The following MTDH variants were observed in gnomAD, a reference collection of about 807,000 sequenced individuals.
MTDH encodes protein LYRIC.
MTDH carries 34 observed loss-of-function variants against 72.7 expected under a neutral mutation model. The observed-to-expected ratio is 0.47, with a 90% CI of 0.36 to 0.62. The LOEUF is 0.62. Ranked by LOEUF, MTDH falls within the 20% of genes least tolerant of loss-of-function variation. MTDH has a pLI of 0.00. For missense variants in MTDH, 677 were observed against 699.4 expected (o/e 0.97, Z 0.36); for synonymous variants, 266 against 268.9 (o/e 0.99, Z 0.10).
intron 6 of MTDH, chr8:97,696,275 C>T (rs943790493): frequency 1.0e-6 from 1 of 985,180 alleles, no homozygotes; most frequent in African/African-American, 1.7e-5. Flanking sequence ...ATCTCTCACA[C>T]TTAACTCTGC....
Position 97,661,136 on chromosome 8 carries a change from C to G in MTDH, c.446C>G (p.Ala149Gly). The G allele has an allele frequency of 6.2e-7, 1 of 1,612,486 alleles. No individual in the cohort carries two copies. The highest frequency in any genetic ancestry group is 8.5e-7 in the Non-Finnish European group (1 of 1,179,230). ...GTTCGAACACCTCAAAGTGTAACAG[C>G]AAAGCAGCCACCAGAGATTGACAAG... ...EAVRTPQSVT[A>G]KQPPEIDKKN... The change falls in exon 2 of 12, where the codon GCA becomes GGA. Residue 149 changes from alanine to glycine, a missense_variant. Physicochemically the swap from Ala to Gly is moderately conservative, Grantham distance 60. This residue lies in a region of MTDH where 467 missense variants were observed against 469.1 expected (regional missense o/e 1.00). Transcript: ENST00000336273.
In MTDH at chr8:97,661,123, C is replaced by G; in HGVS notation, c.433C>G (p.Gln145Glu). 6.2e-7 allele frequency: 1 copy of G among 1,612,982 alleles called. No homozygotes were observed. Among genetic ancestry groups the G allele is most frequent in the South Asian group, 1.1e-5 (1 of 90,848 alleles). The stretch of plus-strand genomic sequence containing the variant: ...TGAGGGTGAAGCTGTTCGAACACCT[C>G]AAAGTGTAACAGCAAAGCAGCCACC... ...VAEGEAVRTP[Q>E]SVTAKQPPEI... The change falls in exon 2 of 12, where the codon CAA (glutamine) becomes GAA (glutamate). Residue 145 changes from glutamine (Q) to glutamate (E), a missense_variant. Physicochemically the swap from Gln to Glu is conservative, Grantham distance 29. Around this residue, in one of 3 missense-constraint regions of MTDH, gnomAD observed 467 missense variants for 469.1 expected, o/e 1.00. Coordinates refer to ENST00000336273, the MANE Select transcript of MTDH (RefSeq NM_178812.4).
intron 2 of MTDH, among the ~76,000 whole-genome samples, chr8:97,679,274 C>T (rs572996592): frequency 6.6e-6 from 1 of 151,928 alleles, no homozygotes; most frequent in East Asian, 1.9e-4. Flanking sequence ...AGTGAATTCA[C>T]TTGTTAAAAA....
chr8:97,652,411 G>A (rs1220615611), intron 1 of MTDH, among the ~76,000 whole-genome samples: 10 of 152,204 alleles, frequency 6.6e-5, no homozygotes, highest in South Asian at 4.1e-4. Flanking sequence ...CACCTTCCCC[G>A]AAAATCCTTT....
chr8:97,692,709 C>T (rs887476587), intron 6 of MTDH, among the ~76,000 whole-genome samples: 5 of 151,712 alleles, frequency 3.3e-5, no homozygotes, highest in African/African-American at 1.2e-4. Flanking sequence ...TAATGTTTCA[C>T]GGAATATATT....
intron 2 of MTDH, among the ~76,000 whole-genome samples, chr8:97,681,525 CTCT>C (rs1333189461): frequency 7.6e-6 from 1 of 132,358 alleles, no homozygotes; most frequent in Non-Finnish European, 1.5e-5. Context: ...TGGAATTTCG[CTCT>C]TGTTACCCAG....
intron 1 of MTDH, among the ~76,000 whole-genome samples, chr8:97,645,865 C>T (rs1431694656): frequency 1.3e-5 from 2 of 152,112 alleles, no homozygotes; most frequent in Non-Finnish European, 2.9e-5. Context: ...CAGCACCTAA[C>T]CTATTTTTAT....
chr8:97,656,147 T>A (rs1416657445), intron 1 of MTDH, among the ~76,000 whole-genome samples: 3 of 152,156 alleles, frequency 2.0e-5, no homozygotes, highest in Non-Finnish European at 4.4e-5. Context: ...AAATACAGTT[T>A]ACGTAACTAA....
At position 97,644,330 on chromosome 8, in the gene MTDH, A is replaced by G. The variant is rs1355645406; in HGVS notation, c.-177A>G. On this transcript the variant is annotated 5_prime_UTR_variant, in exon 1 of 12. Coordinates refer to ENST00000336273, the MANE Select transcript of MTDH (RefSeq NM_178812.4). ...TGAGGCTGACAGCGGGGAACCTGGG[A>G]GACCCCTCCGCCCTCCCCGCGGTGG... The G allele has an allele frequency of 9.0e-6, 7 of 778,860 alleles. No homozygotes were observed. Among genetic ancestry groups the G allele is most frequent in the South Asian group, 2.1e-5 (1 of 48,092 alleles). 48.2% of individuals were successfully genotyped at this position (778,860 alleles called of 1,614,324 possible). A position where few individuals can be genotyped will look rare whatever the true frequency, so the allele number is the denominator to read the frequency against.
chr8:97,694,290 C>T (rs1394247382), intron 6 of MTDH, among the ~76,000 whole-genome samples: 3 of 151,582 alleles, frequency 2.0e-5, no homozygotes, highest in Non-Finnish European at 4.4e-5. Context: ...CACCGCCTCT[C>T]GGGTTCAAGC....
At position 97,728,934 on chromosome 8, in the gene MTDH, T is replaced by G. The variant is rs1391496640; in HGVS notation, c.*4264T>G. On this transcript the variant is annotated 3_prime_UTR_variant, in exon 12 of 12. Transcript: ENST00000336273. ...TTTTTTTTTTTTTCTTTTAATGAGA[T>G]AGGGTCTCACTCTGTTGCCCAGGCT... Among the ~76,000 whole-genome samples the G allele has an allele frequency of 6.7e-6, 1 of 148,988 alleles. No individual in the cohort carries two copies. Among genetic ancestry groups the G allele is most frequent in the African/African-American group, 2.5e-5 (1 of 40,616 alleles).
chr8:97,654,490 C>T (rs1467527651), intron 1 of MTDH, among the ~76,000 whole-genome samples: 2 of 151,582 alleles, frequency 1.3e-5, no homozygotes, highest in Non-Finnish European at 2.9e-5. Flanking sequence ...TTAAGACTGT[C>T]TTATAGTCTA....
At chr8:97,660,983 A>G (rs1812153868) in intron 1 of MTDH, 89 bp from the exon 2 acceptor site, 7 of 943,106 alleles carry the variant, frequency 7.4e-6, no homozygotes, top group Non-Finnish European at 9.7e-6. Context: ...GTAGGATTTG[A>G]TTGTAGTATA....
At chr8:97,683,902 G>A (rs1303789367) in intron 2 of MTDH, among the ~76,000 whole-genome samples, 3 of 151,930 alleles carry the variant, frequency 2.0e-5, no homozygotes, top group South Asian at 2.1e-4. Context: ...ACCTGAGGTT[G>A]GAAGTTTGAG....
At chr8:97,668,457 AAAAG>A (rs1436045343) in intron 2 of MTDH, among the ~76,000 whole-genome samples, 21 of 152,322 alleles carry the variant, frequency 1.4e-4, no homozygotes, top group East Asian at 5.8e-4. Context: ...GGGCCAAAAA[AAAAG>A]AAAGAAAAGG....
At chr8:97,724,119 A>ATC (rs1336826788) in intron 11 of MTDH, among the ~76,000 whole-genome samples, 1 of 152,134 alleles carries the variant, frequency 6.6e-6, no homozygotes, top group Non-Finnish European at 1.5e-5. Flanking sequence ...TAAATGATCA[A>ATC]TCTATCTATC....
At position 97,644,943 on chromosome 8, in the gene MTDH, T is replaced by C. The variant is rs577131271; in HGVS notation, c.381+56T>C. ...GGGCGAAGGGCGGGCGTGGAGACCC[T>C]CGAGCTTGGGGGAGGCCGCGCCCCA... On this transcript the variant is annotated intron_variant, in intron 1 of 11. Coordinates refer to ENST00000336273, the MANE Select transcript of MTDH (RefSeq NM_178812.4). 4.8e-6 allele frequency: 7 copies of C among 1,473,430 alleles called. No homozygotes were observed. In the African/African-American group the frequency reaches 1.0e-4, roughly 22 times the overall value. The allele number at this position is 1,473,430 out of a possible 1,614,324, so 91.3% of individuals were successfully genotyped here. A position where few individuals can be genotyped will look rare whatever the true frequency, so the allele number is the denominator to read the frequency against.
chr8:97,717,819 G>A (rs902488990), intron 9 of MTDH, among the ~76,000 whole-genome samples: 7 of 149,710 alleles, frequency 4.7e-5, no homozygotes, highest in African/African-American at 1.5e-4. Context: ...GCACGATCTT[G>A]GCTCACTGCA....
chr8:97,713,653 T>TAAAA lies in MTDH; in HGVS notation c.1273-7_1273-6insAAAA. The TAAAA allele has an allele frequency of 6.5e-7, 1 of 1,547,734 alleles. No individual in the cohort carries two copies. Among genetic ancestry groups the TAAAA allele is most frequent in the Non-Finnish European group, 8.7e-7 (1 of 1,144,710 alleles). The stretch of plus-strand genomic sequence containing the variant: ...TGGTTCTCTTTAATATTTTTGCTTT[T>TAAAA]AACCTAAGGTCTCAGATGATGATAA... On this transcript the variant is annotated splice_polypyrimidine_tract_variant and intron_variant, in intron 8 of 11. Transcript: ENST00000336273.
Sources: allele counts gnomAD v4.1 joint callset (sites outside exome capture counted in the v4.1 genomes callset), GRCh38; gene constraint gnomAD v4.1.1; regional missense constraint gnomAD v4.1.1; transcripts MANE v1.5; gene names NCBI Gene and HGNC (gene_info 2026-07-23, HGNC 2026-07-21).